Variants in RASAL2 observed in about 807,000 individuals in gnomAD.
RASAL2 encodes the protein RAS protein activator like 2.
Under a neutral mutation model 128.9 loss-of-function variants are expected in RASAL2, and 58 were observed. The ratio of observed to expected loss-of-function variants is 0.45; its 90% CI spans 0.36 to 0.56. RASAL2 has a LOEUF of 0.56. Among genes scored for constraint, RASAL2 ranks in the 20% least tolerant of loss-of-function variants. The pLI is 0.00. For synonymous variants in RASAL2, 561 were observed against 580.8 expected (o/e 0.97, Z 0.49); for missense variants, 1,360 against 1,601.6 (o/e 0.85, Z 2.57).
rs570423346 is a variant in RASAL2 at position 178,155,528 on chromosome 1, T to TA, written c.202+60842dup. On this transcript the variant is annotated intron_variant, in intron 1 of 17. Transcript: ENST00000367649. ...CCTATAGTTATAATTTACATTGCCT[T>TA]AAAAAAAATCTGTTACTGTCTTCCA... Among the ~76,000 whole-genome samples, 199 of 151,906 alleles carry TA rather than the reference T, an allele frequency of 1.3e-3. 1 individual carries two copies. The highest frequency in any genetic ancestry group is 7.9e-4 in the Admixed American group (12 of 15,264).
chr1:178,461,288 T>A (rs1678177395), intron 14 of RASAL2, among the ~76,000 whole-genome samples: 1 of 152,204 alleles, frequency 6.6e-6, no homozygotes, highest in Non-Finnish European at 1.5e-5. Context: ...GTGGGGATTG[T>A]TCTGTAGGCG....
intron 3 of RASAL2, among the ~76,000 whole-genome samples, chr1:178,322,013 G>C (rs1353701663): frequency 6.7e-6 from 1 of 149,396 alleles, no homozygotes; most frequent in Non-Finnish European, 1.5e-5. Flanking sequence ...ATTTTTTTTT[G>C]GTAGAGATGG....
At chr1:178,230,053 A>G (rs1663939297) in intron 1 of RASAL2, among the ~76,000 whole-genome samples, 2 of 152,182 alleles carry the variant, frequency 1.3e-5, no homozygotes, top group Admixed American at 1.3e-4. Context: ...AAATAGAATC[A>G]TACAGTGTAT....
intron 1 of RASAL2, among the ~76,000 whole-genome samples, chr1:178,279,203 A>G (rs906926460): frequency 1.3e-5 from 2 of 152,126 alleles, no homozygotes; most frequent in Admixed American, 1.3e-4. Context: ...ACTTCCTGTT[A>G]TATATTATAG....
chr1:178,381,650 G>T (rs891809675), intron 3 of RASAL2, among the ~76,000 whole-genome samples: 7 of 151,760 alleles, frequency 4.6e-5, no homozygotes, highest in Non-Finnish European at 7.4e-5. Context: ...CCCAAACAGA[G>T]GCTCTGGCAT....
rs575032962 is a variant in RASAL2, at chr1:178,265,737, A to G, written c.203-17827A>G. Among the ~76,000 whole-genome samples, 14 of 152,332 alleles carry G rather than the reference A, an allele frequency of 9.2e-5. No homozygotes were observed. The South Asian group carries it at 2.9e-3, about 32-fold the overall frequency. On this transcript the variant is annotated intron_variant, in intron 1 of 17. Coordinates refer to ENST00000367649, the MANE Select transcript of RASAL2 (RefSeq NM_170692.4). ...AATTTATACCCTGCTCAAGAAACAG[A>G]ACATTATTACCATCTCAGAAGCCCA...
chr1:178,210,764 T>A (rs888487955), intron 1 of RASAL2, among the ~76,000 whole-genome samples: 1 of 152,358 alleles, frequency 6.6e-6, no homozygotes, highest in Middle Eastern at 3.4e-3. Flanking sequence ...ATTTGAAAAT[T>A]TATATATGGA....
At chr1:178,218,548 A>T (rs1663502699) in intron 1 of RASAL2, among the ~76,000 whole-genome samples, 1 of 152,168 alleles carries the variant, frequency 6.6e-6, no homozygotes, top group African/African-American at 2.4e-5. Context: ...TTAGCCAGGC[A>T]TGATGGCATA....
In RASAL2 at chr1:178,456,615, C is replaced by G; in HGVS notation, c.2212-106C>G. 15 of 1,224,388 alleles carry G rather than the reference C, an allele frequency of 1.2e-5. No homozygotes were observed. The South Asian group carries it at 1.8e-4, about 15-fold the overall frequency. 75.8% of individuals were successfully genotyped at this position (1,224,388 alleles called of 1,614,324 possible). ...CCCATATGCAAACACTTACCCTTCC[C>G]TCCAACCTACACCCCTCCATCAATG... On this transcript the variant is annotated intron_variant, in intron 12 of 17. Transcript: ENST00000367649.
intron 1 of RASAL2, among the ~76,000 whole-genome samples, chr1:178,227,504 C>G (rs1006074705): frequency 6.6e-6 from 1 of 152,174 alleles, no homozygotes; most frequent in African/African-American, 2.4e-5. Flanking sequence ...TCCCTAACAC[C>G]TTACATTTTC....
At chr1:178,340,212 GTA>G (rs1346019287) in intron 3 of RASAL2, among the ~76,000 whole-genome samples, 1 of 152,126 alleles carries the variant, frequency 6.6e-6, no homozygotes, top group Non-Finnish European at 1.5e-5. Context: ...TAGATACAGT[GTA>G]TGTGTTTCCA....
intron 3 of RASAL2, among the ~76,000 whole-genome samples, chr1:178,374,837 AAAACTCTGC>A (rs1671902619): frequency 1.3e-5 from 2 of 152,124 alleles, no homozygotes; most frequent in African/African-American, 4.8e-5. Flanking sequence ...TCAGCTTTTT[AAAACTCTGC>A]CCTTGTTTCA....
At chr1:178,419,528 T>A (rs1171564275) in intron 4 of RASAL2, among the ~76,000 whole-genome samples, 1 of 152,052 alleles carries the variant, frequency 6.6e-6, no homozygotes, top group African/African-American at 2.4e-5. Context: ...CCTCAAGCTA[T>A]CCTGTCACCT....
At chr1:178,124,951 A>G (rs1304855959) in intron 1 of RASAL2, among the ~76,000 whole-genome samples, 1 of 152,194 alleles carries the variant, frequency 6.6e-6, no homozygotes, top group Non-Finnish European at 1.5e-5. Context: ...ATTCAGCATC[A>G]AAGAAGTGTT....
chr1:178,101,012 A>C (rs1405378876), intron 1 of RASAL2, among the ~76,000 whole-genome samples: 1 of 152,206 alleles, frequency 6.6e-6, no homozygotes, highest in Non-Finnish European at 1.5e-5. Context: ...TTGTAAAAAC[A>C]CCTTTCTTCC....
intron 17 of RASAL2, among the ~76,000 whole-genome samples, chr1:178,472,573 G>A (rs1327277684): frequency 6.6e-6 from 1 of 152,110 alleles, no homozygotes; most frequent in Non-Finnish European, 1.5e-5. Flanking sequence ...ACCATGTATT[G>A]TTTTAATTTT....
chr1:178,408,989 AG>A (rs1674179727), intron 4 of RASAL2, among the ~76,000 whole-genome samples: 1 of 152,152 alleles, frequency 6.6e-6, no homozygotes, highest in Non-Finnish European at 1.5e-5. Context: ...TTTGACTCAC[AG>A]TTCCACAGCC....
At chr1:178,452,887 ACTAT>A (rs1210748141) in intron 11 of RASAL2, among the ~76,000 whole-genome samples, 2 of 152,202 alleles carry the variant, frequency 1.3e-5, no homozygotes, top group Admixed American at 6.5e-5. Flanking sequence ...GTTTACAAAA[ACTAT>A]CTAATAATAT....
intron 2 of RASAL2, among the ~76,000 whole-genome samples, chr1:178,297,597 G>A (rs1335068823): frequency 1.8e-5 from 2 of 111,796 alleles, no homozygotes; most frequent in African/African-American, 7.7e-5. Flanking sequence ...ACAAGAGCAA[G>A]ACTCCATCTC....
Sources: allele counts gnomAD v4.1 joint callset (sites outside exome capture counted in the v4.1 genomes callset), GRCh38; gene constraint gnomAD v4.1.1; transcripts MANE v1.5; gene names NCBI Gene and HGNC (gene_info 2026-07-23, HGNC 2026-07-21).